Variants in ME3 observed in about 807,000 individuals in gnomAD.
ME3 encodes the protein malic enzyme 3.
In ME3, 48 loss-of-function variants were observed where a neutral mutation model predicts 68.9. The ratio of observed to expected loss-of-function variants is 0.70; its 90% CI spans 0.55 to 0.89. The LOEUF is 0.89. Ranked by LOEUF, ME3 falls within the 40% of genes least tolerant of loss-of-function variation. The pLI, the probability that ME3 is intolerant of heterozygous loss-of-function variation, is 0.00. For synonymous variants in ME3, 320 were observed against 318.8 expected, an observed-to-expected ratio of 1.00 and a Z score of -0.04; for missense variants, 675 against 797.4, an observed-to-expected ratio of 0.85 and a Z score of 1.85.
intron 4 of ME3, among the ~76,000 whole-genome samples, chr11:86,510,281 C>T (rs1047461779): frequency 5.3e-5 from 8 of 152,198 alleles, no homozygotes; most frequent in Admixed American, 5.2e-4. Flanking sequence ...GTCCCCATTT[C>T]CTTTGTCTTC....
intron 2 of ME3, 112 bp from the exon 3 acceptor site, chr11:86,559,935 G>A: frequency 8.6e-7 from 1 of 1,164,032 alleles, no homozygotes; most frequent in Non-Finnish European, 1.2e-6. Flanking sequence ...CAGTAGAAAG[G>A]GCCCTCAACT....
intron 4 of ME3, among the ~76,000 whole-genome samples, chr11:86,543,233 C>A (rs1431559278): frequency 6.6e-6 from 1 of 152,132 alleles, no homozygotes; most frequent in Non-Finnish European, 1.5e-5. Context: ...ACACTATGAA[C>A]AAACTGCATC....
intron 2 of ME3, among the ~76,000 whole-genome samples, chr11:86,569,372 A>G (rs4944594): frequency 0.47 from 70,703 of 151,890 alleles, 17,217 homozygotes; most frequent in East Asian, 0.58. Context: ...CCTGTTCCCC[A>G]TTCTCTGACC....
At position 86,662,279 on chromosome 11, in the gene ME3, C is replaced by G. The variant is rs554518971; in HGVS notation, c.183+9483G>C. Among the ~76,000 whole-genome samples, 3 of 152,272 alleles carry G rather than the reference C, an allele frequency of 2.0e-5. No homozygotes were observed. The East Asian group carries it at 5.8e-4, about 29-fold the overall frequency. ...GTTCTGCCACTATGAGTTGTATGAC[C>G]TAGGGCAAGTTAGCTAACCTTATGC... On this transcript the variant is annotated intron_variant, in intron 2 of 14. Coordinates refer to ENST00000543262, the Ensembl canonical transcript of ME3.
rs538029287 is a variant in ME3 at position 86,627,083 on chromosome 11, A to C, written c.183+44679T>G. Among the ~76,000 whole-genome samples, 450 of 152,324 alleles carry C rather than the reference A, an allele frequency of 3.0e-3. 2 individuals are homozygous for C. Among genetic ancestry groups the C allele is most frequent in the African/African-American group, 0.011 (440 of 41,578 alleles). On this transcript the variant is annotated intron_variant, in intron 2 of 14. Coordinates refer to ENST00000543262, the Ensembl canonical transcript of ME3. ...CCTGCAGTAGAAGGAAACAAGGCTC[A>C]CTTAAGAACTGCTGTGGTCAGAGCA...
chr11:86,532,037 T>A (rs1214768535), intron 4 of ME3, among the ~76,000 whole-genome samples: 1 of 150,936 alleles, frequency 6.6e-6, no homozygotes, highest in African/African-American at 2.4e-5. Context: ...AAAAAGATAT[T>A]CCACGCAAAT....
intron 12 of ME3, 183 bp downstream of exon 12, chr11:86,446,881 AG>A (rs1351561127): frequency 1.3e-6 from 1 of 784,572 alleles, no homozygotes; most frequent in East Asian, 2.7e-5. Flanking sequence ...CTTTGGAGTC[AG>A]ACCTGGGTTT....
chr11:86,603,909 C>T (rs1260993324), intron 2 of ME3, among the ~76,000 whole-genome samples: 1 of 124,984 alleles, frequency 8.0e-6, no homozygotes, highest in African/African-American at 3.2e-5. Context: ...AACACATGGA[C>T]ACAGGAAGGG....
chr11:86,635,124 A>T (rs1459962432), intron 2 of ME3, among the ~76,000 whole-genome samples: 1 of 152,168 alleles, frequency 6.6e-6, no homozygotes, highest in Non-Finnish European at 1.5e-5. Flanking sequence ...GGGCAACATG[A>T]TGAAATCCCT....
In ME3 at chr11:86,642,914, A is replaced by G. The variant is rs566199731; in HGVS notation, c.183+28848T>C. ...AGTATTAATAGTTTTATTCCATTTA[A>G]TTCTAGGCAAAGACAGAGGAATGTG... is the stretch of plus-strand genomic sequence containing the variant. On this transcript the variant is annotated intron_variant, in intron 2 of 14. Coordinates refer to ENST00000543262, the Ensembl canonical transcript of ME3. Among the ~76,000 whole-genome samples the G allele has an allele frequency of 3.3e-5, 5 of 152,300 alleles. No individual in the cohort carries two copies. The South Asian group carries it at 8.3e-4, about 25-fold the overall frequency.
intron 4 of ME3, among the ~76,000 whole-genome samples, chr11:86,530,003 A>T (rs535914163): frequency 5.3e-4 from 81 of 152,322 alleles, no homozygotes; most frequent in African/African-American, 1.9e-3. Flanking sequence ...AGTTCTGGCC[A>T]GGGCAATCAG....
intron 7 of ME3, among the ~76,000 whole-genome samples, chr11:86,472,341 T>C (rs1950829202): frequency 6.6e-6 from 1 of 152,142 alleles, no homozygotes; most frequent in African/African-American, 2.4e-5. Context: ...CTGAGGGCTT[T>C]AGGCAGGAAG....
chr11:86,646,372 T>A (rs1945015598), intron 2 of ME3, among the ~76,000 whole-genome samples: 1 of 152,090 alleles, frequency 6.6e-6, no homozygotes. Flanking sequence ...CTAATGGAGC[T>A]AAAAAACACA....
chr11:86,548,487 C>G (rs1194150506), intron 4 of ME3, among the ~76,000 whole-genome samples: 1 of 152,200 alleles, frequency 6.6e-6, no homozygotes, highest in Non-Finnish European at 1.5e-5. Context: ...TCTGGATTGC[C>G]CAGCTGGTCT....
At chr11:86,615,540 G>C (rs1301083373) in intron 2 of ME3, among the ~76,000 whole-genome samples, 1 of 152,150 alleles carries the variant, frequency 6.6e-6, no homozygotes, top group African/African-American at 2.4e-5. Flanking sequence ...AGGCCTCAAG[G>C]TGGGATGACT....
chr11:86,576,111 G>A (rs72955430), intron 2 of ME3, among the ~76,000 whole-genome samples: 9,083 of 152,268 alleles, frequency 0.06, 375 homozygotes, highest in Middle Eastern at 0.11. Flanking sequence ...GATATGCCAA[G>A]TCTTCACCAC....
At chr11:86,598,477 T>G (rs1959957531) in intron 2 of ME3, among the ~76,000 whole-genome samples, 1 of 152,162 alleles carries the variant, frequency 6.6e-6, no homozygotes, top group South Asian at 2.1e-4. Flanking sequence ...CCACCACAGC[T>G]CAAGGAGGCC....
intron 8 of ME3, among the ~76,000 whole-genome samples, chr11:86,457,971 G>A (rs1950033198): frequency 6.6e-6 from 1 of 152,190 alleles, no homozygotes; most frequent in Non-Finnish European, 1.5e-5. Context: ...AGAATTTACT[G>A]CTTTATCAGG....
chr11:86,552,754 C>G (rs1343655726), intron 4 of ME3, among the ~76,000 whole-genome samples: 1 of 152,156 alleles, frequency 6.6e-6, no homozygotes, highest in African/African-American at 2.4e-5. Context: ...TCTGCCTTAC[C>G]ATCTTTAACA....
Sources: gnomAD v4.1 joint callset for allele counts (sites outside exome capture counted in the v4.1 genomes callset) on GRCh38, gnomAD v4.1.1 for gene constraint, MANE v1.5 for transcripts, NCBI Gene and HGNC (gene_info 2026-07-23, HGNC 2026-07-21) for gene names.